OTULINL: variants seen among roughly 807,000 people sequenced by gnomAD.
The protein encoded by OTULINL is OTU deubiquitinase with linear linkage specificity like.
In OTULINL, 42 loss-of-function variants were observed where a neutral mutation model predicts 43.9. That is an observed-to-expected ratio of 0.96 (90% CI 0.75 to 1.24). The LOEUF is 1.24. Ranked by LOEUF, OTULINL falls within the 50% of genes most tolerant of loss-of-function variation. The pLI, the probability that OTULINL is intolerant of heterozygous loss-of-function variation, is 0.00. For missense variants in OTULINL, 411 were observed against 426.4 expected, an observed-to-expected ratio of 0.96 and a Z score of 0.32; for synonymous variants, 172 against 153.6, an observed-to-expected ratio of 1.12 and a Z score of -0.88.
intron 1 of OTULINL, among the ~76,000 whole-genome samples, chr5:14,600,613 C>G (rs1759367390): frequency 6.6e-6 from 1 of 152,136 alleles, no homozygotes; most frequent in Non-Finnish European, 1.5e-5. Flanking sequence ...ATTGTACAGT[C>G]AAGAAAATTC....
chr5:14,590,217 GT>G (rs1759177220), intron 1 of OTULINL, among the ~76,000 whole-genome samples: 2 of 152,184 alleles, frequency 1.3e-5, no homozygotes, highest in African/African-American at 4.8e-5. Flanking sequence ...GCAGCTAAGG[GT>G]AGGGGATGCT....
chr5:14,616,044 AG>A lies in OTULINL; in HGVS notation c.*5732del, dbSNP rs1759667186. Among the ~76,000 whole-genome samples, 1 of 152,242 alleles carries A rather than the reference AG, an allele frequency of 6.6e-6. No individual in the cohort carries two copies. Among genetic ancestry groups the A allele is most frequent in the African/African-American group, 2.4e-5 (1 of 41,464 alleles). On this transcript the variant is annotated 3_prime_UTR_variant, in exon 8 of 8. Transcript: ENST00000274217. The stretch of plus-strand genomic sequence containing the variant: ...AGTTTTAAAAATTCTAATCCTTTGC[AG>A]GTTGGTAGTTTTATAAATACGATAA...
rs765199200 is a variant in OTULINL, at chr5:14,610,187, T to C, written c.944T>C (p.Val315Ala). 6.2e-7 allele frequency: 1 copy of C among 1,614,110 alleles called. No homozygotes were observed. Among genetic ancestry groups the C allele is most frequent in the African/African-American group, 1.3e-5 (1 of 75,040 alleles). Residue 315 changes from valine to alanine, a missense_variant, in exon 8 of 8, where the codon GTG becomes GCG. Coordinates refer to ENST00000274217, the MANE Select transcript of OTULINL (RefSeq NM_019018.3). ...LGYSLEVKIK[V>A]FRLFKFNSRD... ...TACTCCCTTGAAGTAAAGATAAAAG[T>C]GTTCAGACTGTTCAAGTTTAACTCC... is the stretch of plus-strand genomic sequence containing the variant.
At position 14,602,232 on chromosome 5, in the gene OTULINL, T is replaced by C. The variant is rs749409435; in HGVS notation, c.398T>C (p.Val133Ala). 1.2e-6 allele frequency: 2 copies of C among 1,613,548 alleles called. No homozygotes were observed. Among genetic ancestry groups the C allele is most frequent in the South Asian group, 2.2e-5 (2 of 90,902 alleles). The change falls in exon 5 of 8, where the codon GTA becomes GCA. Residue 133 changes from valine to alanine, a missense_variant. Transcript: ENST00000274217. The part of the protein sequence containing the change: ...WRHHIKCVRQ[V>A]RRDNYDALRS... Reference sequence around the variant, plus strand: ...CATCACATTAAATGTGTTCGACAAGTAAGGAGAGATAACTATGATGCTCTC... The same window carrying C: ...CATCACATTAAATGTGTTCGACAAGCAAGGAGAGATAACTATGATGCTCTC...
chr5:14,605,185 A>T (rs1759453040), intron 5 of OTULINL, among the ~76,000 whole-genome samples: 1 of 152,092 alleles, frequency 6.6e-6, no homozygotes, highest in African/African-American at 2.4e-5. Flanking sequence ...ACTTCTGTGT[A>T]CCCACAGGCC....
chr5:14,608,205 G>A (rs1023974673), intron 6 of OTULINL, among the ~76,000 whole-genome samples: 2 of 152,232 alleles, frequency 1.3e-5, no homozygotes, highest in East Asian at 1.9e-4. Flanking sequence ...ATTTCTTATT[G>A]TAAACATTTT....
At chr5:14,608,666 T>A in intron 6 of OTULINL, 82 bp from the exon 7 acceptor site, 2 of 1,122,148 alleles carry the variant, frequency 1.8e-6, no homozygotes, top group Non-Finnish European at 2.5e-6. Flanking sequence ...TTTGGTTTAT[T>A]TTATAAATAC....
chr5:14,587,066 T>C (rs952829018), intron 1 of OTULINL, among the ~76,000 whole-genome samples: 27 of 152,146 alleles, frequency 1.8e-4, no homozygotes, highest in Admixed American at 1.2e-3. Context: ...AGTCTGTGTC[T>C]GTCCTCTAAG....
intron 1 of OTULINL, among the ~76,000 whole-genome samples, chr5:14,591,013 A>G (rs1759192140): frequency 6.6e-6 from 1 of 152,232 alleles, no homozygotes; most frequent in African/African-American, 2.4e-5. Context: ...AGAAAACAGA[A>G]CTGGGGAAGG....
chr5:14,581,976 C>A lies in OTULINL; in HGVS notation c.64+18C>A. 5 of 540,382 alleles carry A rather than the reference C, an allele frequency of 9.3e-6. No individual in the cohort carries two copies. Among genetic ancestry groups the A allele is most frequent in the Admixed American group, 4.5e-5 (1 of 22,158 alleles). The allele number at this position is 540,382 out of a possible 1,614,324, so 33.5% of individuals were successfully genotyped here. On this transcript the variant is annotated intron_variant, in intron 1 of 7. Coordinates refer to ENST00000274217, the MANE Select transcript of OTULINL (RefSeq NM_019018.3). ...CGCCGCAGGTGAGCCTGGGGCCGGGCGGGGCGGGGCGGGGGGCGCGAGCAG... is the reference window on the plus strand; with the variant it reads ...CGCCGCAGGTGAGCCTGGGGCCGGGAGGGGCGGGGCGGGGGGCGCGAGCAG...
At position 14,610,200 on chromosome 5, in the gene OTULINL, C is replaced by A. The variant is rs16903574; in HGVS notation, c.957C>A (p.Phe319Leu). Residue 319 changes from phenylalanine (F) to leucine (L), a missense_variant, in exon 8 of 8, where the codon TTC becomes TTA. Phe to Leu is a conservative substitution (Grantham distance 22). Transcript: ENST00000274217. Reference sequence around the variant, plus strand: ...TAAAGATAAAAGTGTTCAGACTGTTCAAGTTTAACTCCAGAGACTTTGAAG... The same window carrying A: ...TAAAGATAAAAGTGTTCAGACTGTTAAAGTTTAACTCCAGAGACTTTGAAG... The part of the protein sequence containing the change: ...LEVKIKVFRL[F>L]KFNSRDFEVC... 2 of 1,613,942 alleles carry A rather than the reference C, an allele frequency of 1.2e-6. No homozygotes were observed.
chr5:14,610,365 G>C lies in OTULINL; in HGVS notation c.*51G>C. 6.3e-7 allele frequency: 1 copy of C among 1,574,902 alleles called. No homozygotes were observed. The highest frequency in any genetic ancestry group is 2.2e-5 in the East Asian group (1 of 44,460). On this transcript the variant is annotated 3_prime_UTR_variant, in exon 8 of 8. Transcript: ENST00000274217. ...CTCACCAGTGACGGTGGTCACAGTT[G>C]CAATAAAGTCTCTCTCTGAAACCAA...
intron 1 of OTULINL, 129 bp downstream of exon 1, chr5:14,582,087 T>G: frequency 1.7e-6 from 1 of 591,982 alleles, no homozygotes. Context: ...GGGCTGGGAA[T>G]CCTGGAGCCC....
At chr5:14,591,255 C>T (rs1759196444) in intron 1 of OTULINL, among the ~76,000 whole-genome samples, 1 of 152,198 alleles carries the variant, frequency 6.6e-6, no homozygotes, top group Non-Finnish European at 1.5e-5. Context: ...TCTGGATAAT[C>T]CTTTGTTTCC....
chr5:14,610,135 C>G lies in OTULINL; in HGVS notation c.898-6C>G, dbSNP rs746274711. The G allele has an allele frequency of 2.5e-6, 4 of 1,609,956 alleles. No individual in the cohort carries two copies. Among genetic ancestry groups the G allele is most frequent in the Non-Finnish European group, 3.4e-6 (4 of 1,176,676 alleles). On this transcript the variant is annotated splice_polypyrimidine_tract_variant and splice_region_variant and intron_variant, in intron 7 of 7. Coordinates refer to ENST00000274217, the MANE Select transcript of OTULINL (RefSeq NM_019018.3). ...ATCTGTGACCTGTCTTTCATCTCAT[C>G]CACAGATTGATATGTTTATACTTGG...
At chr5:14,604,152 C>A (rs1414674817) in intron 5 of OTULINL, among the ~76,000 whole-genome samples, 2 of 152,144 alleles carry the variant, frequency 1.3e-5, no homozygotes, top group East Asian at 3.9e-4. Flanking sequence ...GGCAACAGAG[C>A]AAGACTCCAT....
chr5:14,581,877 G>C lies in OTULINL; in HGVS notation c.-18G>C. ...GACCACGGGCCGAGGCCCAGCGCCC[G>C]TCCGCAGCGCGGCCGGCATGGCGGC... is the stretch of plus-strand genomic sequence containing the variant. On this transcript the variant is annotated 5_prime_UTR_variant, in exon 1 of 8. Coordinates refer to ENST00000274217, the MANE Select transcript of OTULINL (RefSeq NM_019018.3). The C allele has an allele frequency of 7.1e-7, 1 of 1,407,322 alleles. No individual in the cohort carries two copies. Among genetic ancestry groups the C allele is most frequent in the Non-Finnish European group, 9.3e-7 (1 of 1,080,782 alleles). 87.2% of individuals were successfully genotyped at this position (1,407,322 alleles called of 1,614,324 possible).
Position 14,581,971 on chromosome 5 carries a change from C to G in OTULINL, c.64+13C>G. The G allele has an allele frequency of 7.8e-7, 1 of 1,287,496 alleles. No individual in the cohort carries two copies. Among genetic ancestry groups the G allele is most frequent in the Non-Finnish European group, 9.8e-7 (1 of 1,018,470 alleles). The allele number at this position is 1,287,496 out of a possible 1,614,324, so 79.8% of individuals were successfully genotyped here. ...GCTCCCGCCGCAGGTGAGCCTGGGGCCGGGCGGGGCGGGGCGGGGGGCGCG... is the reference window on the plus strand; with the variant it reads ...GCTCCCGCCGCAGGTGAGCCTGGGGGCGGGCGGGGCGGGGCGGGGGGCGCG... On this transcript the variant is annotated intron_variant, in intron 1 of 7. Transcript: ENST00000274217.
chr5:14,600,230 TCTC>T lies in OTULINL; in HGVS notation c.65-732_65-730del, dbSNP rs1489475946. On this transcript the variant is annotated intron_variant, in intron 1 of 7. Coordinates refer to ENST00000274217, the MANE Select transcript of OTULINL (RefSeq NM_019018.3). ...GCTTTCCCCCCTTTTGCTTGACACT[TCTC>T]CTACCTGCTGCCATATGAAGAAGGA... Among the ~76,000 whole-genome samples the T allele has an allele frequency of 3.9e-5, 6 of 152,116 alleles. No homozygotes were observed. The South Asian group carries it at 1.0e-3, about 26-fold the overall frequency.
Sources: allele counts gnomAD v4.1 joint callset (sites outside exome capture counted in the v4.1 genomes callset), GRCh38; gene constraint gnomAD v4.1.1; transcripts MANE v1.5; gene names NCBI Gene and HGNC (gene_info 2026-07-23, HGNC 2026-07-21).